The following SMYD3 variants were observed in gnomAD, a reference collection of about 807,000 sequenced individuals.
SMYD3 encodes the protein histone-lysine N-methyltransferase SMYD3.
Under a neutral mutation model 57.7 loss-of-function variants are expected in SMYD3, and 36 were observed. That is an observed-to-expected ratio of 0.62 (90% CI 0.48 to 0.82). The LOEUF (loss-of-function observed/expected upper bound fraction) is 0.82, where lower values mean the gene tolerates loss of function less well. Ranked by LOEUF, SMYD3 falls within the 40% of genes least tolerant of loss-of-function variation. The pLI is 0.00. For synonymous variants in SMYD3, 211 were observed against 195.0 expected (o/e 1.08, Z -0.68); for missense variants, 515 against 538.8 (o/e 0.96, Z 0.44).
In SMYD3 at chr1:246,495,884, G is replaced by T. The variant is rs141897975; in HGVS notation, c.164+11170C>A. On this transcript the variant is annotated intron_variant, in intron 1 of 11. Coordinates refer to ENST00000490107, the MANE Select transcript of SMYD3 (RefSeq NM_001167740.2). ...GGCGGCTTAGGTGGCAGAATTGCTTGAACCTGGGAGGCGAAGGCTGCAGTG... is the reference window on the plus strand; with the variant it reads ...GGCGGCTTAGGTGGCAGAATTGCTTTAACCTGGGAGGCGAAGGCTGCAGTG... Among the ~76,000 whole-genome samples the T allele has an allele frequency of 6.5e-4, 99 of 152,010 alleles. 3 individuals are homozygous for T. The highest frequency in any genetic ancestry group is 3.4e-3 in the Middle Eastern group (1 of 294).
intron 10 of SMYD3, 62 bp from the exon 11 acceptor site, chr1:245,764,211 C>G: frequency 1.8e-6 from 2 of 1,105,738 alleles, no homozygotes; most frequent in South Asian, 2.6e-5. Context: ...AGCATTTCAT[C>G]AGGAGACTAC....
rs183975436 is a variant in SMYD3 at position 246,092,287 on chromosome 1, C to T, written c.532-162350G>A. Among the ~76,000 whole-genome samples the T allele has an allele frequency of 8.2e-4, 125 of 152,200 alleles. 1 individual carries two copies. The highest frequency in any genetic ancestry group is 6.8e-3 in the Middle Eastern group (2 of 294). ...ACATGCACAGTGCAAATTTAAATTG[C>T]TGTTCGAAATTACCCAAGACCCATC... On this transcript the variant is annotated intron_variant, in intron 5 of 11. Coordinates refer to ENST00000490107, the MANE Select transcript of SMYD3 (RefSeq NM_001167740.2).
intron 1 of SMYD3, among the ~76,000 whole-genome samples, chr1:246,380,806 T>C (rs1201904347): frequency 6.6e-6 from 1 of 152,224 alleles, no homozygotes; most frequent in East Asian, 1.9e-4. Context: ...AATTGAGATA[T>C]CTGAAGTAAT....
Position 246,441,055 on chromosome 1 carries a change from C to A in SMYD3, c.164+65999G>T, listed in dbSNP as rs939004496. ...TTACGTAGAAGTAAATTATAGGTGA[C>A]CCTTAATCTCTGTTTTGTGCGTCCC... On this transcript the variant is annotated intron_variant, in intron 1 of 11. Transcript: ENST00000490107. Among the ~76,000 whole-genome samples, 25 of 152,132 alleles carry A rather than the reference C, an allele frequency of 1.6e-4. 1 individual carries two copies. Among genetic ancestry groups the A allele is most frequent in the African/African-American group, 4.8e-4 (20 of 41,426 alleles).
At chr1:246,450,291 CA>C (rs970514080) in intron 1 of SMYD3, among the ~76,000 whole-genome samples, 141 of 142,504 alleles carry the variant, frequency 9.9e-4, no homozygotes, top group Non-Finnish European at 1.3e-3. Flanking sequence ...AACTCTATCT[CA>C]AAAAAAAAAA....
intron 5 of SMYD3, among the ~76,000 whole-genome samples, chr1:246,245,309 G>A (rs1296853370): frequency 6.6e-6 from 1 of 151,964 alleles, no homozygotes; most frequent in African/African-American, 2.4e-5. Flanking sequence ...TAAGTGTGGT[G>A]GCACATGCCT....
chr1:246,344,464 AGTAT>A (rs1206030617), intron 2 of SMYD3, among the ~76,000 whole-genome samples: 1 of 152,222 alleles, frequency 6.6e-6, no homozygotes, highest in South Asian at 2.1e-4. Context: ...GTAATAGTAC[AGTAT>A]GCATCTCTTT....
chr1:245,919,192 T>C (rs953728309), intron 7 of SMYD3, among the ~76,000 whole-genome samples: 3 of 152,180 alleles, frequency 2.0e-5, no homozygotes, highest in African/African-American at 4.8e-5. Flanking sequence ...AAAACTCACA[T>C]GTGATCACGT....
chr1:246,036,951 C>A (rs1342247029), intron 5 of SMYD3, among the ~76,000 whole-genome samples: 1 of 152,112 alleles, frequency 6.6e-6, no homozygotes, highest in Non-Finnish European at 1.5e-5. Flanking sequence ...GCGTTGATTT[C>A]ATATGAGGAC....
intron 5 of SMYD3, among the ~76,000 whole-genome samples, chr1:246,100,780 C>T (rs887190596): frequency 6.6e-6 from 1 of 152,176 alleles, no homozygotes; most frequent in Non-Finnish European, 1.5e-5. Flanking sequence ...AACCCAAAGC[C>T]TCCTTTGCTT....
intron 5 of SMYD3, among the ~76,000 whole-genome samples, chr1:246,008,446 G>A (rs1387337841): frequency 6.6e-6 from 1 of 152,236 alleles, no homozygotes; most frequent in East Asian, 1.9e-4. Context: ...TCTGGGAGGT[G>A]ATCTGCCCTC....
intron 5 of SMYD3, among the ~76,000 whole-genome samples, chr1:246,013,165 T>TG (rs1031781567): frequency 6.6e-6 from 1 of 152,118 alleles, no homozygotes; most frequent in African/African-American, 2.4e-5. Flanking sequence ...AGTTTTTTGT[T>TG]CACATGCATT....
intron 10 of SMYD3, among the ~76,000 whole-genome samples, chr1:245,803,913 A>ATTT (rs34038938): frequency 1.4e-5 from 1 of 73,340 alleles, no homozygotes. Context: ...GTAAGTCAGT[A>ATTT]TTTTTTTTTT....
At chr1:246,311,070 G>C (rs1572365672) in intron 5 of SMYD3, among the ~76,000 whole-genome samples, 2 of 152,226 alleles carry the variant, frequency 1.3e-5, no homozygotes, top group African/African-American at 4.8e-5. Flanking sequence ...CACACTGACT[G>C]AGAGCTCTAT....
At chr1:246,280,532 A>T (rs1011471685) in intron 5 of SMYD3, among the ~76,000 whole-genome samples, 4 of 152,186 alleles carry the variant, frequency 2.6e-5, no homozygotes, top group African/African-American at 9.7e-5. Flanking sequence ...CTGAGGCAGG[A>T]GGATTGCTTG....
At chr1:246,094,951 G>A (rs538469100) in intron 5 of SMYD3, among the ~76,000 whole-genome samples, 4 of 152,022 alleles carry the variant, frequency 2.6e-5, no homozygotes, top group East Asian at 3.9e-4. Flanking sequence ...GAGTGTTTAC[G>A]GCAAGCCCCG....
intron 11 of SMYD3, among the ~76,000 whole-genome samples, chr1:245,762,046 AAGT>A (rs1358308751): frequency 1.3e-5 from 2 of 151,958 alleles, no homozygotes; most frequent in Non-Finnish European, 2.9e-5. Context: ...CAGCCTCCCA[AAGT>A]GCTGGGATTA....
At chr1:246,404,408 T>C (rs902084497) in intron 1 of SMYD3, among the ~76,000 whole-genome samples, 1 of 152,200 alleles carries the variant, frequency 6.6e-6, no homozygotes, top group African/African-American at 2.4e-5. Flanking sequence ...GTGAGCACAC[T>C]AGAAGACTTC....
At chr1:246,469,273 T>C (rs1037815278) in intron 1 of SMYD3, among the ~76,000 whole-genome samples, 1 of 152,210 alleles carries the variant, frequency 6.6e-6, no homozygotes, top group Non-Finnish European at 1.5e-5. Context: ...CTTGGTCTTC[T>C]TCCATTCCAC....
Sources: allele counts gnomAD v4.1 joint callset (sites outside exome capture counted in the v4.1 genomes callset), GRCh38; gene constraint gnomAD v4.1.1; transcripts MANE v1.5; gene names NCBI Gene and HGNC (gene_info 2026-07-23, HGNC 2026-07-21).